GRAMD1B: variants seen among roughly 807,000 people sequenced by gnomAD.
GRAMD1B encodes protein Aster-B.
Under a neutral mutation model 99.7 loss-of-function variants are expected in GRAMD1B, and 37 were observed. The observed-to-expected ratio is 0.37, with a 90% CI of 0.29 to 0.49. The LOEUF (loss-of-function observed/expected upper bound fraction) is 0.49, where lower values mean the gene tolerates loss of function less well. Ranked by LOEUF, GRAMD1B falls within the 20% of genes least tolerant of loss-of-function variation. The pLI, the probability that GRAMD1B is intolerant of heterozygous loss-of-function variation, is 0.98. For synonymous variants in GRAMD1B, 427 were observed against 387.6 expected (o/e 1.10, Z -1.19); for missense variants, 888 against 1,009.2 (o/e 0.88, Z 1.63).
intron 2 of GRAMD1B, among the ~76,000 whole-genome samples, chr11:123,533,046 C>T: frequency 6.6e-6 from 1 of 152,186 alleles, no homozygotes; most frequent in East Asian, 1.9e-4. Context: ...CTCGGCTTAT[C>T]ACAACTTCCG....
chr11:123,425,799 G>C (rs4402305), upstream of GRAMD1B, among the ~76,000 whole-genome samples: 106,119 of 152,124 alleles, frequency 0.7, 39,905 homozygotes, highest in East Asian at 0.98. Context: ...CCTCCACACT[G>C]CTTCTCTAAC....
At chr11:123,595,902 AC>A in intron 6 of GRAMD1B, 39 bp from the exon 7 acceptor site, 1 of 1,174,546 alleles carries the variant, frequency 8.5e-7, no homozygotes, top group Non-Finnish European at 1.3e-6. Flanking sequence ...CTAATGCCCC[AC>A]TTTGCTTGTT....
chr11:123,561,993 T>C (rs1946823390), intron 2 of GRAMD1B, among the ~76,000 whole-genome samples: 1 of 152,166 alleles, frequency 6.6e-6, no homozygotes, highest in African/African-American at 2.4e-5. Context: ...TGTAGGCATT[T>C]AAGCAACTGC....
chr11:123,546,362 T>G (rs1378638682), intron 2 of GRAMD1B, among the ~76,000 whole-genome samples: 1 of 152,180 alleles, frequency 6.6e-6, no homozygotes, highest in Non-Finnish European at 1.5e-5. Flanking sequence ...AACTTCCTGG[T>G]TTTGCTCAAC....
chr11:123,614,779 C>G lies in GRAMD1B; in HGVS notation c.2262C>G (p.Thr754=), dbSNP rs764369704. 2 of 1,612,446 alleles carry G rather than the reference C, an allele frequency of 1.2e-6. No individual in the cohort carries two copies. Among genetic ancestry groups the G allele is most frequent in the Non-Finnish European group, 1.7e-6 (2 of 1,178,586 alleles). ...STQTRHIPED[T]PNGFHLQSVS... is the part of the protein sequence containing the mutation. ...AGACGCGGCATATCCCGGAGGACACCCCCAACGGTTTCCACCTGCAGAGCG... is the reference window on the plus strand; with the variant it reads ...AGACGCGGCATATCCCGGAGGACACGCCCAACGGTTTCCACCTGCAGAGCG... Residue 754 remains threonine, a synonymous_variant, in exon 17 of 20, where the codon ACC becomes ACG. Coordinates refer to ENST00000635736, the MANE Select transcript of GRAMD1B (RefSeq NM_001387025.1).
chr11:123,563,133 G>A (rs956306377), intron 2 of GRAMD1B, among the ~76,000 whole-genome samples: 1 of 152,220 alleles, frequency 6.6e-6, no homozygotes, highest in Non-Finnish European at 1.5e-5. Context: ...AGGCATGAGA[G>A]CCACGTGAAA....
intron 3 of GRAMD1B, among the ~76,000 whole-genome samples, chr11:123,581,369 G>C (rs1949333799): frequency 6.6e-6 from 1 of 152,206 alleles, no homozygotes; most frequent in Admixed American, 6.5e-5. Flanking sequence ...ACTAAAGCCA[G>C]AGGATGAGGG....
Position 123,603,442 on chromosome 11 carries a change from A to T in GRAMD1B, c.1067A>T (p.Glu356Val). The T allele has an allele frequency of 6.2e-7, 1 of 1,610,268 alleles. No homozygotes were observed. The highest frequency in any genetic ancestry group is 2.2e-5 in the East Asian group (1 of 44,864). ...ALLEKPLCPK[E>V]LWHFVHQCYG... The stretch of plus-strand genomic sequence containing the variant: ...CCCCTGAAGCCTCTGTGTCCCAAGG[A>T]GCTCTGGCACTTTGTTCACCAGTGC... The change falls in exon 9 of 20, where the codon GAG (glutamate) becomes GTG (valine). Residue 356 changes from glutamate (E) to valine (V), a missense_variant. Coordinates refer to ENST00000635736, the MANE Select transcript of GRAMD1B (RefSeq NM_001387025.1).
intron 1 of GRAMD1B, among the ~76,000 whole-genome samples, chr11:123,388,129 C>CCTCCTCAA (rs1555109833): frequency 1.4e-5 from 1 of 71,502 alleles, no homozygotes; most frequent in Non-Finnish European, 2.9e-5. Context: ...TCCTCCTCCT[C>CCTCCTCAA]AAAAAAAAAA....
chr11:123,548,325 T>TACATACACAC (rs1945263433), intron 2 of GRAMD1B, among the ~76,000 whole-genome samples: 1 of 86,842 alleles, frequency 1.2e-5, no homozygotes, highest in Admixed American at 1.3e-4. Flanking sequence ...TATATATATA[T>TACATACACAC]ACACACACAC....
intron 17 of GRAMD1B, 57 bp from the exon 18 acceptor site, chr11:123,618,636 C>A: frequency 1.0e-6 from 1 of 1,000,070 alleles, no homozygotes; most frequent in South Asian, 1.3e-5. Context: ...TGGGGGATGT[C>A]CTAGGCTCAG....
At chr11:123,462,909 A>G (rs1335473811) in intron 1 of GRAMD1B, among the ~76,000 whole-genome samples, 1 of 150,046 alleles carries the variant, frequency 6.7e-6, no homozygotes, top group African/African-American at 2.4e-5. Context: ...AAAAAAAAAA[A>G]AAAGAAATCC....
chr11:123,619,365 G>A (rs112084747), intron 19 of GRAMD1B, 141 bp downstream of exon 19: 7 of 1,516,238 alleles, frequency 4.6e-6, no homozygotes, highest in Non-Finnish European at 6.2e-6. Flanking sequence ...GCCATGCATT[G>A]TTCTAAATGG....
intron 1 of GRAMD1B, among the ~76,000 whole-genome samples, chr11:123,457,888 C>T (rs1299944960): frequency 2.6e-5 from 4 of 151,952 alleles, no homozygotes; most frequent in Non-Finnish European, 5.9e-5. Context: ...CTAATTTCTC[C>T]ACTTTTTTGT....
chr11:123,430,704 G>A lies in GRAMD1B; in HGVS notation c.-89G>A. The A allele has an allele frequency of 5.1e-6, 3 of 582,842 alleles. No individual in the cohort carries two copies. The highest frequency in any genetic ancestry group is 6.0e-6 in the Non-Finnish European group (2 of 331,030). The allele number at this position is 582,842 out of a possible 1,614,324, so 36.1% of individuals were successfully genotyped here. On this transcript the variant is annotated 5_prime_UTR_variant, in exon 1 of 20. Transcript: ENST00000635736. ...CGGCCCCAGGATTGGGGAGTGTGCC[G>A]CGGGGCCGAGGGTGGGGAACAGCCA...
intron 8 of GRAMD1B, 78 bp from the exon 9 acceptor site, chr11:123,603,348 C>T: frequency 4.7e-6 from 4 of 855,726 alleles, no homozygotes; most frequent in Non-Finnish European, 7.8e-6. Context: ...CCAGGGGAAC[C>T]AGCCCGGCTC....
intron 2 of GRAMD1B, among the ~76,000 whole-genome samples, chr11:123,500,277 T>C (rs1246507768): frequency 6.6e-6 from 1 of 152,170 alleles, no homozygotes; most frequent in Non-Finnish European, 1.5e-5. Flanking sequence ...GCCAGGATCA[T>C]ACCACTGCAG....
At chr11:123,444,599 T>TC (rs1275592273) in intron 1 of GRAMD1B, among the ~76,000 whole-genome samples, 13 of 151,826 alleles carry the variant, frequency 8.6e-5, no homozygotes, top group African/African-American at 4.8e-5. Context: ...GTTTTTTTTT[T>TC]CTTTGGGTCC....
At chr11:123,465,045 G>A (rs958714076) in intron 1 of GRAMD1B, among the ~76,000 whole-genome samples, 1 of 152,138 alleles carries the variant, frequency 6.6e-6, no homozygotes, top group African/African-American at 2.4e-5. Flanking sequence ...ATGGGGGACC[G>A]GAGCTTGGTG....
Sources: gnomAD v4.1 joint callset for allele counts (sites outside exome capture counted in the v4.1 genomes callset) on GRCh38, gnomAD v4.1.1 for gene constraint, MANE v1.5 for transcripts, NCBI Gene and HGNC (gene_info 2026-07-23, HGNC 2026-07-21) for gene names.